Variants in TAFA1 observed in about 807,000 individuals in gnomAD.
The protein encoded by TAFA1 is TAFA chemokine like family member 1.
In TAFA1, 4 loss-of-function variants were observed where a neutral mutation model predicts 18.5. The observed-to-expected ratio is 0.22, with a 90% CI of 0.11 to 0.49. TAFA1 has a LOEUF of 0.49. Ranked by LOEUF, TAFA1 falls within the 20% of genes least tolerant of loss-of-function variation. The pLI, the probability that TAFA1 is intolerant of heterozygous loss-of-function variation, is 0.98. For missense variants in TAFA1, 147 were observed against 169.0 expected, an observed-to-expected ratio of 0.87 and a Z score of 0.72; for synonymous variants, 56 against 55.2, an observed-to-expected ratio of 1.01 and a Z score of -0.06.
chr3:68,143,626 C>A (rs183421274), intron 2 of TAFA1, among the ~76,000 whole-genome samples: 10 of 152,250 alleles, frequency 6.6e-5, no homozygotes, highest in African/African-American at 2.4e-4. Context: ...GTTATGACAA[C>A]CAGAAGAGTC....
chr3:68,288,566 A>G (rs901486252), intron 2 of TAFA1, among the ~76,000 whole-genome samples: 4 of 152,170 alleles, frequency 2.6e-5, no homozygotes, highest in Non-Finnish European at 5.9e-5. Context: ...AATGATGTCT[A>G]TCCTCTATTT....
chr3:68,033,559 A>G (rs1157666721), intron 2 of TAFA1, among the ~76,000 whole-genome samples: 1 of 152,196 alleles, frequency 6.6e-6, no homozygotes, highest in East Asian at 1.9e-4. Flanking sequence ...GCCTCCTCTG[A>G]GAGCATTGTA....
intron 3 of TAFA1, among the ~76,000 whole-genome samples, chr3:68,463,908 C>T (rs1464643189): frequency 3.9e-5 from 6 of 152,032 alleles, no homozygotes; most frequent in Non-Finnish European, 2.9e-5. Context: ...ATTTTTAAGT[C>T]AGATTTAGAC....
chr3:68,381,299 C>A (rs1363963117), intron 2 of TAFA1, among the ~76,000 whole-genome samples: 2 of 151,184 alleles, frequency 1.3e-5, no homozygotes, highest in African/African-American at 2.4e-5. Context: ...TTTTCCAATT[C>A]TGTGAAGAAA....
intron 2 of TAFA1, among the ~76,000 whole-genome samples, chr3:68,085,196 T>C (rs921670912): frequency 1.3e-5 from 2 of 152,200 alleles, no homozygotes; most frequent in Non-Finnish European, 1.5e-5. Context: ...ATTTTATAGA[T>C]AGTGGATAAT....
At chr3:68,222,500 G>T (rs2066743206) in intron 2 of TAFA1, among the ~76,000 whole-genome samples, 1 of 151,962 alleles carries the variant, frequency 6.6e-6, no homozygotes, top group Non-Finnish European at 1.5e-5. Flanking sequence ...TACTTGGCAG[G>T]TATTCAATAT....
chr3:68,375,903 G>T (rs1286482334), intron 2 of TAFA1, among the ~76,000 whole-genome samples: 1 of 152,170 alleles, frequency 6.6e-6, no homozygotes, highest in Admixed American at 6.5e-5. Context: ...AAAAGTGAAA[G>T]AATCTCTAAA....
intron 2 of TAFA1, among the ~76,000 whole-genome samples, chr3:68,371,838 A>C (rs914443176): frequency 6.6e-6 from 1 of 152,180 alleles, no homozygotes; most frequent in African/African-American, 2.4e-5. Flanking sequence ...GTGAGCACAC[A>C]CTGTTTTTAA....
chr3:68,106,370 T>C (rs1195490258), intron 2 of TAFA1, among the ~76,000 whole-genome samples: 1 of 152,166 alleles, frequency 6.6e-6, no homozygotes, highest in Non-Finnish European at 1.5e-5. Flanking sequence ...CCAAAGAGGC[T>C]ATTGAGCCCT....
intron 2 of TAFA1, among the ~76,000 whole-genome samples, chr3:68,117,293 AGG>A: frequency 6.6e-6 from 1 of 152,178 alleles, no homozygotes; most frequent in African/African-American, 2.4e-5. Context: ...AAAACTTCTC[AGG>A]AGCACATTAA....
intron 2 of TAFA1, among the ~76,000 whole-genome samples, chr3:68,366,177 G>A (rs1186922554): frequency 6.6e-6 from 1 of 151,534 alleles, no homozygotes; most frequent in African/African-American, 2.4e-5. Flanking sequence ...CCATGATTCA[G>A]TTATCTCCCA....
intron 2 of TAFA1, among the ~76,000 whole-genome samples, chr3:68,341,455 C>T (rs262208): frequency 0.33 from 49,694 of 151,970 alleles, 8,943 homozygotes; most frequent in South Asian, 0.49. Flanking sequence ...GTTATTCCCA[C>T]GAGCAATTTG....
At chr3:68,380,102 C>A (rs1354914543) in intron 2 of TAFA1, among the ~76,000 whole-genome samples, 3 of 152,036 alleles carry the variant, frequency 2.0e-5, no homozygotes, top group South Asian at 4.1e-4. Flanking sequence ...TGAACTCATC[C>A]TTTTTTATGG....
chr3:68,377,426 A>T (rs1184570286), intron 2 of TAFA1, among the ~76,000 whole-genome samples: 2 of 152,192 alleles, frequency 1.3e-5, no homozygotes, highest in Non-Finnish European at 1.5e-5. Flanking sequence ...TAGCAAAAAG[A>T]CTGGCAGCAT....
intron 3 of TAFA1, among the ~76,000 whole-genome samples, chr3:68,466,404 T>C (rs1235155692): frequency 6.6e-6 from 1 of 152,164 alleles, no homozygotes; most frequent in African/African-American, 2.4e-5. Context: ...ATGGTGTGAC[T>C]CAGCCTGTCT....
chr3:68,073,149 A>AAG (rs1402391222), intron 2 of TAFA1, among the ~76,000 whole-genome samples: 2 of 152,228 alleles, frequency 1.3e-5, no homozygotes, highest in Admixed American at 1.3e-4. Flanking sequence ...AAACCAGCAG[A>AAG]AGAGACCTCC....
intron 2 of TAFA1, among the ~76,000 whole-genome samples, chr3:68,263,901 A>G (rs1033933314): frequency 3.3e-5 from 5 of 152,218 alleles, no homozygotes; most frequent in African/African-American, 7.2e-5. Flanking sequence ...ATGCATATCA[A>G]TATCTGTGTA....
At chr3:68,518,970 T>G (rs578226630) in intron 3 of TAFA1, among the ~76,000 whole-genome samples, 97 of 152,374 alleles carry the variant, frequency 6.4e-4, no homozygotes, top group African/African-American at 2.3e-3. Context: ...TTAAAGTTTA[T>G]TTTAAATATC....
chr3:68,262,317 A>G lies in TAFA1; in HGVS notation c.119-154963A>G, dbSNP rs1272624147. Among the ~76,000 whole-genome samples the G allele has an allele frequency of 1.4e-3, 59 of 43,264 alleles. 1 individual carries two copies. Among genetic ancestry groups the G allele is most frequent in the African/African-American group, 5.7e-3 (50 of 8,824 alleles). The allele number at this position is 43,264 out of a possible 152,430, so 28.4% of individuals were successfully genotyped here. On this transcript the variant is annotated intron_variant, in intron 2 of 4. Transcript: ENST00000478136. ...TTTTAGATATGGAGGGTATATATAT[A>G]TATATATATATATATATATATATAT...
Sources: gnomAD v4.1 joint callset for allele counts (sites outside exome capture counted in the v4.1 genomes callset) on GRCh38, gnomAD v4.1.1 for gene constraint, MANE v1.5 for transcripts, NCBI Gene and HGNC (gene_info 2026-07-23, HGNC 2026-07-21) for gene names.